Variants in LIPM observed in about 807,000 individuals in gnomAD.
LIPM encodes lipase member M.
Under a neutral mutation model 42.4 loss-of-function variants are expected in LIPM, and 42 were observed. The ratio of observed to expected loss-of-function variants is 0.99; its 90% CI spans 0.77 to 1.28. LIPM has a LOEUF of 1.28. LIPM is among the 50% of genes most tolerant of loss of function. The pLI, the probability that LIPM is intolerant of heterozygous loss-of-function variation, is 0.00. For synonymous variants in LIPM, 177 were observed against 173.3 expected (o/e 1.02, Z -0.17); for missense variants, 524 against 520.1 (o/e 1.01, Z -0.07).
intron 2 of LIPM, among the ~76,000 whole-genome samples, chr10:88,808,926 ATTTT>A: frequency 1.1e-5 from 1 of 90,664 alleles, no homozygotes; most frequent in Non-Finnish European, 2.1e-5. Flanking sequence ...ATTTTATTTT[ATTTT>A]ATTTTATTTT....
chr10:88,806,987 C>T (rs1029920469), intron 1 of LIPM, among the ~76,000 whole-genome samples: 1 of 151,344 alleles, frequency 6.6e-6, no homozygotes, highest in Non-Finnish European at 1.5e-5. Context: ...CTGTGCCCGG[C>T]CTATACATTT....
At chr10:88,803,572 A>T (rs1486825965) in intron 1 of LIPM, among the ~76,000 whole-genome samples, 1 of 151,310 alleles carries the variant, frequency 6.6e-6, no homozygotes, top group Non-Finnish European at 1.5e-5. Context: ...AACCTCCTAC[A>T]AGTAAAATGC....
intron 2 of LIPM, 112 bp downstream of exon 2, chr10:88,808,527 T>C (rs1315701097): frequency 4.7e-6 from 3 of 635,518 alleles, no homozygotes; most frequent in South Asian, 2.0e-5. Context: ...TGAGGTCCAT[T>C]GTTCAGGTCA....
chr10:88,813,171 A>G lies in LIPM; in HGVS notation c.340A>G (p.Asn114Asp), dbSNP rs753186833. Residue 114 changes from asparagine (N) to aspartate (D), a missense_variant, in exon 3 of 9, where the codon AAT becomes GAT. Transcript: ENST00000404743. ...ASNWISNLPN[N>D]SLGFILADAG... ...CAACTGGATTTCCAACCTGCCCAAC[A>G]ATAGCCTGGGCTTCATTCTGGCAGA... is the stretch of plus-strand genomic sequence containing the variant. 9 of 1,613,474 alleles carry G rather than the reference A, an allele frequency of 5.6e-6. No homozygotes were observed. Among genetic ancestry groups the G allele is most frequent in the Non-Finnish European group, 7.6e-6 (9 of 1,179,714 alleles).
At chr10:88,804,593 C>T (rs746008738) in intron 1 of LIPM, among the ~76,000 whole-genome samples, 1 of 151,990 alleles carries the variant, frequency 6.6e-6, no homozygotes, top group Non-Finnish European at 1.5e-5. Flanking sequence ...ACAGCAAGAA[C>T]CAGCAGTGGC....
At chr10:88,809,156 T>C (rs914366641) in intron 2 of LIPM, among the ~76,000 whole-genome samples, 2 of 151,980 alleles carry the variant, frequency 1.3e-5, no homozygotes, top group African/African-American at 2.4e-5. Context: ...AGTTTCTCCA[T>C]GTTGGTCAGG....
intron 2 of LIPM, among the ~76,000 whole-genome samples, chr10:88,812,258 T>C (rs969887152): frequency 6.6e-6 from 1 of 152,236 alleles, no homozygotes; most frequent in African/African-American, 2.4e-5. Flanking sequence ...CTTGTTCCAA[T>C]ACTGATAATA....
At position 88,815,235 on chromosome 10, in the gene LIPM, C is replaced by T; in HGVS notation, c.711+11C>T. 6.5e-7 allele frequency: 1 copy of T among 1,548,902 alleles called. No homozygotes were observed. The highest frequency in any genetic ancestry group is 8.7e-7 in the Non-Finnish European group (1 of 1,146,248). ...GATATGATGATCAAGGTATGAGACT[C>T]CTCAGAAAACTTCCTGTGTACGTAG... On this transcript the variant is annotated intron_variant, in intron 5 of 8. Coordinates refer to ENST00000404743, the MANE Select transcript of LIPM (RefSeq NM_001128215.1).
intron 3 of LIPM, 71 bp from the exon 4 acceptor site, chr10:88,814,459 T>C: frequency 9.9e-7 from 1 of 1,012,850 alleles, no homozygotes; most frequent in Non-Finnish European, 1.5e-6. Context: ...TTTGTAAACC[T>C]GGTGTCGGGG....
At chr10:88,807,280 T>A (rs901187882) in intron 1 of LIPM, among the ~76,000 whole-genome samples, 2 of 152,182 alleles carry the variant, frequency 1.3e-5, no homozygotes, top group East Asian at 3.9e-4. Flanking sequence ...ATACAGCTAG[T>A]TTATGTAATA....
chr10:88,807,137 C>T (rs1450771777), intron 1 of LIPM, among the ~76,000 whole-genome samples: 1 of 152,154 alleles, frequency 6.6e-6, no homozygotes, highest in Non-Finnish European at 1.5e-5. Flanking sequence ...CTGGGAATTA[C>T]AGTTAGTGTT....
intron 2 of LIPM, among the ~76,000 whole-genome samples, chr10:88,810,604 G>A (rs1434058224): frequency 2.6e-5 from 4 of 152,138 alleles, no homozygotes; most frequent in African/African-American, 9.7e-5. Context: ...ATAGCTTGTG[G>A]TAGCGGCCTT....
intron 1 of LIPM, among the ~76,000 whole-genome samples, chr10:88,803,544 C>T (rs74147289): frequency 1.7e-3 from 255 of 151,746 alleles, no homozygotes; most frequent in African/African-American, 5.8e-3. Context: ...AAAAGGACCC[C>T]GAGTTAGTGC....
At chr10:88,818,624 T>C (rs573818113) in intron 8 of LIPM, among the ~76,000 whole-genome samples, 2 of 152,260 alleles carry the variant, frequency 1.3e-5, no homozygotes, top group South Asian at 4.1e-4. Flanking sequence ...TGAATGTAAA[T>C]AAATATTTAC....
chr10:88,814,701 A>C, intron 4 of LIPM, 62 bp downstream of exon 4: 1 of 1,239,452 alleles, frequency 8.1e-7, no homozygotes, highest in East Asian at 2.5e-5. Context: ...GACACTAGCT[A>C]TCCCTGAAAT....
At chr10:88,814,979 G>C (rs1452551929) in intron 4 of LIPM, 109 bp from the exon 5 acceptor site, 9 of 990,726 alleles carry the variant, frequency 9.1e-6, no homozygotes, top group Non-Finnish European at 1.3e-5. Flanking sequence ...GGAGAGGTAA[G>C]ATGCAGTCAC....
At chr10:88,813,019 T>C (rs779945109) in intron 2 of LIPM, 78 bp from the exon 3 acceptor site, 7 of 1,237,076 alleles carry the variant, frequency 5.7e-6, no homozygotes, top group Non-Finnish European at 8.1e-6. Flanking sequence ...TTTGTTTGAT[T>C]TGAAAGCTCT....
chr10:88,805,508 A>C (rs1421668000), intron 1 of LIPM, among the ~76,000 whole-genome samples: 1 of 152,268 alleles, frequency 6.6e-6, no homozygotes, highest in Admixed American at 6.5e-5. Context: ...AATTTAAAAA[A>C]TACAAAAGAA....
At chr10:88,807,151 T>G (rs1459970972) in intron 1 of LIPM, among the ~76,000 whole-genome samples, 2 of 152,246 alleles carry the variant, frequency 1.3e-5, no homozygotes, top group Non-Finnish European at 2.9e-5. Flanking sequence ...TAGTGTTATA[T>G]GTGCATTATC....
Sources: gnomAD v4.1 joint callset for allele counts (sites outside exome capture counted in the v4.1 genomes callset) on GRCh38, gnomAD v4.1.1 for gene constraint, MANE v1.5 for transcripts, NCBI Gene and HGNC (gene_info 2026-07-23, HGNC 2026-07-21) for gene names.